KIF6: variants seen among roughly 807,000 people sequenced by gnomAD.
KIF6 encodes kinesin family member 6, also known as kinesin-like protein KIF6.
Under a neutral mutation model 112.7 loss-of-function variants are expected in KIF6, and 106 were observed. The observed-to-expected ratio is 0.94, with a 90% CI of 0.80 to 1.11. The LOEUF is 1.11. Ranked by LOEUF, KIF6 falls within the 50% of genes least tolerant of loss-of-function variation. The pLI, the probability that KIF6 is intolerant of heterozygous loss-of-function variation, is 0.00. For missense variants in KIF6, 929 were observed against 964.0 expected (o/e 0.96, Z 0.48); for synonymous variants, 339 against 339.9 (o/e 1.00, Z 0.03).
At chr6:39,630,211 A>G (rs1467965313) in intron 5 of KIF6, among the ~76,000 whole-genome samples, 8 of 152,046 alleles carry the variant, frequency 5.3e-5, no homozygotes, top group African/African-American at 1.9e-4. Flanking sequence ...ATTGATATCT[A>G]CAAAATAATT....
Position 39,343,941 on chromosome 6 carries a change from G to A in KIF6, c.2322-126C>T, listed in dbSNP as rs1440856637. On this transcript the variant is annotated intron_variant, in intron 21 of 22. Transcript: ENST00000287152. The surrounding 1 kb of genome is among the most constrained non-coding windows in gnomAD (Gnocchi z 4.1). ...GAAAGCTACATGACACGGCTGGCCT[G>A]CTTCTCACTCCCTCCTACCTTCTCT... is the stretch of plus-strand genomic sequence containing the variant. 3 of 576,088 alleles carry A rather than the reference G, an allele frequency of 5.2e-6. No homozygotes were observed. Among genetic ancestry groups the A allele is most frequent in the Non-Finnish European group, 9.2e-6 (3 of 327,588 alleles). The allele number at this position is 576,088 out of a possible 1,614,324, so 35.7% of individuals were successfully genotyped here. A position where few individuals can be genotyped will look rare whatever the true frequency, so the allele number is the denominator to read the frequency against.
chr6:39,494,990 T>C (rs562178942), intron 13 of KIF6, among the ~76,000 whole-genome samples: 12 of 152,214 alleles, frequency 7.9e-5, no homozygotes, highest in Admixed American at 2.6e-4. Context: ...AACTGCCCAA[T>C]TTATTTAGGG....
At chr6:39,359,931 A>C (rs546183955) in intron 18 of KIF6, among the ~76,000 whole-genome samples, 1 of 152,236 alleles carries the variant, frequency 6.6e-6, no homozygotes, top group African/African-American at 2.4e-5. Context: ...TATGCATAGA[A>C]ATCAAGGTAA....
chr6:39,628,587 C>T (rs138624534), intron 5 of KIF6, among the ~76,000 whole-genome samples: 10 of 152,144 alleles, frequency 6.6e-5, no homozygotes, highest in Non-Finnish European at 1.5e-4. Context: ...GTAAACCTTT[C>T]GGGATTGGCT....
chr6:39,644,736 A>G lies in KIF6; in HGVS notation c.252-4979T>C, dbSNP rs149257106. Among the ~76,000 whole-genome samples the G allele has an allele frequency of 2.0e-5, 3 of 152,298 alleles. No homozygotes were observed. The East Asian group carries it at 5.8e-4, about 29-fold the overall frequency. On this transcript the variant is annotated intron_variant, in intron 3 of 22. Coordinates refer to ENST00000287152, the MANE Select transcript of KIF6 (RefSeq NM_145027.6). ...CGGTAATGAAAAGGTTTCAAAATTA[A>G]ATAATGGTGATTGATGGTGGCACAT... is the stretch of plus-strand genomic sequence containing the variant.
intron 19 of KIF6, among the ~76,000 whole-genome samples, chr6:39,349,330 ACT>A (rs1032436968): frequency 1.8e-4 from 28 of 151,518 alleles, no homozygotes; most frequent in African/African-American, 6.8e-4. Context: ...TCCACCATGG[ACT>A]CTCTCGGAGA....
chr6:39,423,804 A>G (rs546917857), intron 14 of KIF6, among the ~76,000 whole-genome samples: 1 of 151,922 alleles, frequency 6.6e-6, no homozygotes, highest in African/African-American at 2.4e-5. Flanking sequence ...TCTATCCTCA[A>G]TATCTATCAG....
intron 3 of KIF6, among the ~76,000 whole-genome samples, chr6:39,693,211 T>G (rs75300087): frequency 9.4e-4 from 143 of 152,346 alleles, no homozygotes; most frequent in African/African-American, 3.0e-3. Context: ...GGCACCACAG[T>G]AGCACAAATC....
chr6:39,610,547 G>A lies in KIF6; in HGVS notation c.639+2642C>T, dbSNP rs114831211. On this transcript the variant is annotated intron_variant, in intron 6 of 22. Transcript: ENST00000287152. ...TTGTTCTTTTTATCCTGGTAAGATC[G>A]TTCTGTGCTGACAAATTGCATTCTG... Among the ~76,000 whole-genome samples the A allele has an allele frequency of 3.1e-3, 471 of 152,262 alleles. 3 individuals are homozygous for A. Among genetic ancestry groups the A allele is most frequent in the African/African-American group, 0.011 (453 of 41,558 alleles).
At chr6:39,550,185 A>C (rs1223280206) in intron 10 of KIF6, among the ~76,000 whole-genome samples, 1 of 152,242 alleles carries the variant, frequency 6.6e-6, no homozygotes, top group Admixed American at 6.5e-5. Context: ...TGTTCTCATT[A>C]TTCTCAAATA....
intron 13 of KIF6, among the ~76,000 whole-genome samples, chr6:39,442,829 A>C (rs1451692456): frequency 6.6e-6 from 1 of 152,114 alleles, no homozygotes; most frequent in Admixed American, 6.5e-5. Context: ...GAGGCTCCAG[A>C]TCGGCTGGGC....
chr6:39,481,584 T>G (rs1774802432), intron 13 of KIF6, among the ~76,000 whole-genome samples: 1 of 152,172 alleles, frequency 6.6e-6, no homozygotes, highest in South Asian at 2.1e-4. Context: ...AAATACCTTG[T>G]TAGACAGATT....
chr6:39,400,382 T>C (rs1768601441), intron 15 of KIF6, among the ~76,000 whole-genome samples: 1 of 152,282 alleles, frequency 6.6e-6, no homozygotes, highest in African/African-American at 2.4e-5. Flanking sequence ...GCTGAAGAAA[T>C]GAAATCTGGT....
intron 13 of KIF6, among the ~76,000 whole-genome samples, chr6:39,508,431 G>A (rs1776567321): frequency 6.6e-6 from 1 of 152,178 alleles, no homozygotes; most frequent in South Asian, 2.1e-4. Flanking sequence ...GGAAGTGCAA[G>A]GGGTCAGGGG....
At chr6:39,508,499 C>T (rs996086174) in intron 13 of KIF6, among the ~76,000 whole-genome samples, 23 of 152,144 alleles carry the variant, frequency 1.5e-4, no homozygotes, top group African/African-American at 4.8e-4. Context: ...GAATGGTACA[C>T]TTCTGCCCAA....
intron 16 of KIF6, among the ~76,000 whole-genome samples, chr6:39,372,965 C>T (rs978668045): frequency 2.6e-5 from 4 of 152,212 alleles, no homozygotes; most frequent in African/African-American, 9.6e-5. Flanking sequence ...AACTCCATTA[C>T]ACATGCAACA....
chr6:39,345,572 A>C (rs1353742601), intron 21 of KIF6, 128 bp downstream of exon 21: 11 of 669,238 alleles, frequency 1.6e-5, no homozygotes, highest in African/African-American at 3.6e-5. Flanking sequence ...ACCAGGGCAG[A>C]GGCCAGACCT....
chr6:39,615,224 G>GA (rs1248335406), intron 5 of KIF6, among the ~76,000 whole-genome samples: 1 of 151,614 alleles, frequency 6.6e-6, no homozygotes, highest in East Asian at 1.9e-4. Flanking sequence ...GAAAAGAAGA[G>GA]AGTTCTGCCT....
chr6:39,477,505 C>T (rs57000749), intron 13 of KIF6, among the ~76,000 whole-genome samples: 30,938 of 152,078 alleles, frequency 0.2, 4,278 homozygotes, highest in African/African-American at 0.39. Context: ...TGGTTCTCTG[C>T]ATAATGGAAT....
Sources: allele counts gnomAD v4.1 joint callset (sites outside exome capture counted in the v4.1 genomes callset), GRCh38; gene constraint gnomAD v4.1.1; non-coding constraint Gnocchi (gnomAD v3.1); transcripts MANE v1.5; gene names NCBI Gene and HGNC (gene_info 2026-07-23, HGNC 2026-07-21).